Variants in CSNK1G3 observed in about 807,000 individuals in gnomAD.
CSNK1G3 encodes casein kinase 1 gamma 3.
In CSNK1G3, 23 loss-of-function variants were observed where a neutral mutation model predicts 64.3. The observed-to-expected ratio is 0.36, with a 90% CI of 0.26 to 0.51. CSNK1G3 has a LOEUF of 0.51. Ranked by LOEUF, CSNK1G3 falls within the 20% of genes least tolerant of loss-of-function variation. CSNK1G3 has a pLI of 0.96. For missense variants in CSNK1G3, 357 were observed against 510.5 expected, an observed-to-expected ratio of 0.70 and a Z score of 2.90; for synonymous variants, 158 against 162.2, an observed-to-expected ratio of 0.97 and a Z score of 0.20.
At chr5:123,528,311 CT>C (rs776804532) in intron 1 of CSNK1G3, among the ~76,000 whole-genome samples, 3 of 152,224 alleles carry the variant, frequency 2.0e-5, no homozygotes, top group African/African-American at 7.2e-5. Context: ...CTGCCCATAA[CT>C]TTCTCTTTCC....
intron 6 of CSNK1G3, among the ~76,000 whole-genome samples, chr5:123,582,274 T>A (rs995732676): frequency 1.3e-5 from 2 of 152,136 alleles, no homozygotes; most frequent in African/African-American, 4.8e-5. Context: ...CAATCAACAT[T>A]GATTAAGTGA....
chr5:123,590,627 A>AT, intron 9 of CSNK1G3, 69 bp downstream of exon 9: 1 of 958,778 alleles, frequency 1.0e-6, no homozygotes, highest in African/African-American at 1.7e-5. Flanking sequence ...AATATCTTCA[A>AT]TTGAAAAGAG....
At chr5:123,587,269 C>T (rs965659409) in intron 6 of CSNK1G3, among the ~76,000 whole-genome samples, 2 of 152,218 alleles carry the variant, frequency 1.3e-5, no homozygotes, top group Non-Finnish European at 2.9e-5. Context: ...AAACATCTTG[C>T]ACATAAACAG....
chr5:123,562,314 A>G (rs912297693), intron 4 of CSNK1G3, among the ~76,000 whole-genome samples: 4 of 151,948 alleles, frequency 2.6e-5, no homozygotes, highest in Non-Finnish European at 5.9e-5. Flanking sequence ...CTTTTATCGT[A>G]TGGTAATTAT....
chr5:123,554,527 T>C (rs1376902940), intron 3 of CSNK1G3, among the ~76,000 whole-genome samples: 1 of 151,864 alleles, frequency 6.6e-6, no homozygotes, highest in Non-Finnish European at 1.5e-5. Context: ...CAGAAAGAGG[T>C]TGGTGAATAT....
intron 4 of CSNK1G3, among the ~76,000 whole-genome samples, chr5:123,567,203 T>C (rs1787083940): frequency 6.6e-6 from 1 of 152,190 alleles, no homozygotes; most frequent in Non-Finnish European, 1.5e-5. Context: ...TTCAGTCACC[T>C]CCCACTGGGT....
chr5:123,549,506 C>T (rs1783232349), intron 2 of CSNK1G3, among the ~76,000 whole-genome samples: 2 of 152,174 alleles, frequency 1.3e-5, no homozygotes, highest in South Asian at 4.1e-4. Context: ...TTATCTTCCC[C>T]AGGGCCAGGT....
intron 6 of CSNK1G3, among the ~76,000 whole-genome samples, chr5:123,586,287 A>G (rs1311012230): frequency 1.3e-5 from 2 of 152,190 alleles, no homozygotes; most frequent in Non-Finnish European, 2.9e-5. Context: ...GTAATAGGCA[A>G]GAGACATTTT....
In CSNK1G3 at chr5:123,588,969, G is replaced by A. The variant is rs142832216; in HGVS notation, c.844+458G>A. Among the ~76,000 whole-genome samples the A allele has an allele frequency of 1.5e-3, 221 of 152,170 alleles. 1 individual carries two copies. Among genetic ancestry groups the A allele is most frequent in the African/African-American group, 5.0e-3 (206 of 41,502 alleles). ...ACTAGTTTGGGGCTAATTTTATATT[G>A]GGGAGCTGTATGCATTTATGAAAAT... On this transcript the variant is annotated intron_variant, in intron 8 of 12. Coordinates refer to ENST00000345990, the Ensembl canonical transcript of CSNK1G3.
At chr5:123,564,588 G>A (rs550443736) in intron 4 of CSNK1G3, among the ~76,000 whole-genome samples, 21 of 152,080 alleles carry the variant, frequency 1.4e-4, no homozygotes, top group Middle Eastern at 3.4e-3. Context: ...GGCCCAAATT[G>A]GATAACAACT....
chr5:123,512,849 G>A (rs999857354), intron 1 of CSNK1G3, among the ~76,000 whole-genome samples: 2 of 152,036 alleles, frequency 1.3e-5, no homozygotes, highest in African/African-American at 4.8e-5. Flanking sequence ...CGGGCTGGGT[G>A]CAAAAGTTGC....
At chr5:123,586,343 GTGTT>G (rs1791324884) in intron 6 of CSNK1G3, among the ~76,000 whole-genome samples, 1 of 152,228 alleles carries the variant, frequency 6.6e-6, no homozygotes, top group East Asian at 1.9e-4. Flanking sequence ...TTATGCAGGT[GTGTT>G]TGTTGTTAAA....
chr5:123,584,645 C>T (rs993534590), intron 6 of CSNK1G3, among the ~76,000 whole-genome samples: 1 of 152,068 alleles, frequency 6.6e-6, no homozygotes, highest in Non-Finnish European at 1.5e-5. Flanking sequence ...CTCTTCCAAT[C>T]CTGGGTTTAT....
chr5:123,606,974 A>C (rs554455729), intron 12 of CSNK1G3, among the ~76,000 whole-genome samples: 1 of 152,288 alleles, frequency 6.6e-6, no homozygotes, highest in South Asian at 2.1e-4. Flanking sequence ...GATAAAGATT[A>C]CTTCCTGACC....
chr5:123,561,295 T>C (rs1785657727), intron 4 of CSNK1G3, among the ~76,000 whole-genome samples: 1 of 152,202 alleles, frequency 6.6e-6, no homozygotes, highest in African/African-American at 2.4e-5. Context: ...TTGGGAGTCA[T>C]CAGCACATAG....
At chr5:123,518,490 G>T (rs966236069) in intron 1 of CSNK1G3, among the ~76,000 whole-genome samples, 1 of 152,162 alleles carries the variant, frequency 6.6e-6, no homozygotes, top group Non-Finnish European at 1.5e-5. Context: ...CCTAAGGCCA[G>T]CAGCAAGATC....
chr5:123,616,810 A>G (rs1032654863), exon 13 of CSNK1G3: 1 of 152,290 alleles, frequency 6.6e-6, no homozygotes, highest in Non-Finnish European at 1.5e-5. Flanking sequence ...GGGTAAAATA[A>G]TGTCACTCCC....
At chr5:123,541,090 T>TAG in intron 1 of CSNK1G3, among the ~76,000 whole-genome samples, 2 of 152,342 alleles carry the variant, frequency 1.3e-5, no homozygotes, top group African/African-American at 4.8e-5. Context: ...TAGTTGATGG[T>TAG]ATTATCTAGA....
exon 11 of CSNK1G3, chr5:123,604,784 G>A: frequency 1.2e-6 from 2 of 1,611,660 alleles, no homozygotes; most frequent in South Asian, 1.1e-5. Context: ...ACGTTCAAAT[G>A]CACCCATCAC....
Sources: allele counts gnomAD v4.1 joint callset (sites outside exome capture counted in the v4.1 genomes callset), GRCh38; gene constraint gnomAD v4.1.1; transcripts MANE v1.5; gene names NCBI Gene and HGNC (gene_info 2026-07-23, HGNC 2026-07-21).